Variants in SLC5A2 observed in about 807,000 individuals in gnomAD.
SLC5A2 encodes the protein solute carrier family 5 member 2, also known as sodium/glucose cotransporter 2.
In SLC5A2, 67 loss-of-function variants were observed where a neutral mutation model predicts 69.0. The observed-to-expected ratio is 0.97, with a 90% CI of 0.80 to 1.19. The LOEUF (loss-of-function observed/expected upper bound fraction) is 1.19, where lower values mean the gene tolerates loss of function less well. Ranked by LOEUF, SLC5A2 falls within the 50% of genes most tolerant of loss-of-function variation. SLC5A2 has a pLI of 0.00. For missense variants in SLC5A2, 1,001 were observed against 921.5 expected, an observed-to-expected ratio of 1.09 and a Z score of -1.12; for synonymous variants, 455 against 395.8, an observed-to-expected ratio of 1.15 and a Z score of -1.78.
At position 31,483,273 on chromosome 16, in the gene SLC5A2, G is replaced by A. The variant is rs1180807903; in HGVS notation, c.126+11G>A. On this transcript the variant is annotated intron_variant, in intron 1 of 13. Coordinates refer to ENST00000330498, the MANE Select transcript of SLC5A2 (RefSeq NM_003041.4). ...GGCGTTGGCTTGTGGGTGAGAAGTT[G>A]GGGGGTGTGCTGCTGGTGGCTGCTG... 1.9e-6 allele frequency: 3 copies of A among 1,613,646 alleles called. No individual in the cohort carries two copies. The highest frequency in any genetic ancestry group is 1.7e-6 in the Non-Finnish European group (2 of 1,179,844).
rs749890982 is a variant in SLC5A2, at chr16:31,488,018, G to C, written c.886-20G>C. The C allele has an allele frequency of 1.9e-6, 3 of 1,611,604 alleles. No homozygotes were observed. In the South Asian group the frequency reaches 3.3e-5, roughly 18 times the overall value. Reference sequence around the variant, plus strand: ...CCGAGGGGAGGCCCGCAAGCGGGCAGCTGAACGCCCCTCCCGTAGGTCATC... The same window carrying C: ...CCGAGGGGAGGCCCGCAAGCGGGCACCTGAACGCCCCTCCCGTAGGTCATC... On this transcript the variant is annotated intron_variant, in intron 7 of 13. Coordinates refer to ENST00000330498, the MANE Select transcript of SLC5A2 (RefSeq NM_003041.4).
At chr16:31,485,442 G>T (rs2082487497) in intron 3 of SLC5A2, 1 of 533,694 alleles carries the variant, frequency 1.9e-6, no homozygotes. Context: ...CAGTCTGAGG[G>T]GTCTATGCTG....
chr16:31,487,470 C>T lies in SLC5A2; in HGVS notation c.656-60C>T, dbSNP rs1596619019. On this transcript the variant is annotated intron_variant, in intron 6 of 13. Transcript: ENST00000330498. ...GGAGCTCTCGGCCTGCGCGCGGGGC[C>T]GTTGCGCGTCTCCGGTCTGAGGGTC... 13 of 1,609,964 alleles carry T rather than the reference C, an allele frequency of 8.1e-6. No individual in the cohort carries two copies. The East Asian group carries it at 1.6e-4, about 19-fold the overall frequency.
At position 31,490,427 on chromosome 16, in the gene SLC5A2, C is replaced by T. The variant is rs1567393098; in HGVS notation, c.1911C>T (p.Ala637=). The part of the protein sequence containing the change: ...PLTQEEAAAA[A]RRLEDISEDP... ...CCCAGGAGGAGGCAGCGGCAGCAGC[C>T]AGGCGGCTGGAGGACATCAGCGAGG... Residue 637 remains alanine, a synonymous_variant, in exon 14 of 14, where the codon GCC becomes GCT. Transcript: ENST00000330498. 6.2e-7 allele frequency: 1 copy of T among 1,613,772 alleles called. No homozygotes were observed. Among genetic ancestry groups the T allele is most frequent in the African/African-American group, 1.3e-5 (1 of 75,054 alleles).
Position 31,484,836 on chromosome 16 carries a change from C to T in SLC5A2, c.216C>T (p.Phe72=), listed in dbSNP as rs149913553. The change falls in exon 3 of 14, where the codon TTC becomes TTT. Residue 72 remains phenylalanine, a synonymous_variant. Coordinates refer to ENST00000330498, the MANE Select transcript of SLC5A2 (RefSeq NM_003041.4). The stretch of plus-strand genomic sequence containing the variant: ...CCACCCAGGTTGGGGCCTCTCTCTT[C>T]GCCAGCAACATCGGCAGTGGCCACT... ...MVWWPVGASL[F]ASNIGSGHFV... The T allele has an allele frequency of 1.8e-5, 29 of 1,613,604 alleles. No homozygotes were observed. Among genetic ancestry groups the T allele is most frequent in the Admixed American group, 5.0e-5 (3 of 60,014 alleles).
intron 9 of SLC5A2, 23 bp downstream of exon 9, chr16:31,488,513 G>A (rs1249070644): frequency 3.7e-6 from 6 of 1,603,512 alleles, no homozygotes; most frequent in Non-Finnish European, 5.1e-6. Context: ...CCGGGCCACA[G>A]GCGCAAGCTC....
chr16:31,484,196 C>A (rs1333952177), intron 1 of SLC5A2, among the ~76,000 whole-genome samples: 2 of 151,574 alleles, frequency 1.3e-5, no homozygotes, highest in African/African-American at 4.9e-5. Flanking sequence ...GCCAGCCTGG[C>A]CAACATGGTG....
rs761264242 is a variant in SLC5A2, at chr16:31,489,037, G to A, written c.1438G>A (p.Val480Ile). Residue 480 changes from valine (V) to isoleucine (I), a missense_variant, in exon 11 of 14, where the codon GTT becomes ATT. Val to Ile is a conservative substitution (Grantham distance 29, BLOSUM62 3). Coordinates refer to ENST00000330498, the MANE Select transcript of SLC5A2 (RefSeq NM_003041.4). Reference sequence around the variant, plus strand: ...CGTGCTGGCGCTCTTCGTGCCGCGCGTTAATGAGCAGGTGAGCGGCACGCG... The same window carrying A: ...CGTGCTGGCGCTCTTCGTGCCGCGCATTAATGAGCAGGTGAGCGGCACGCG... Reference protein sequence around the residue: ...VFVLALFVPRVNEQGAFWGLI... With the variant: ...VFVLALFVPRINEQGAFWGLI... 6.9e-6 allele frequency: 11 copies of A among 1,600,968 alleles called. No homozygotes were observed. Among genetic ancestry groups the A allele is most frequent in the East Asian group, 2.2e-5 (1 of 44,884 alleles).
intron 7 of SLC5A2, 74 bp from the exon 8 acceptor site, chr16:31,487,964 C>G (rs2082512548): frequency 6.3e-7 from 1 of 1,592,708 alleles, no homozygotes; most frequent in Non-Finnish European, 8.5e-7. Context: ...AGAGGCGGGG[C>G]ACAGAGCGGA....
rs758643864 is a variant in SLC5A2, at chr16:31,489,317, C to G, written c.1644C>G (p.Thr548=). 6.2e-7 allele frequency: 1 copy of G among 1,609,182 alleles called. No individual in the cohort carries two copies. The highest frequency in any genetic ancestry group is 8.5e-7 in the Non-Finnish European group (1 of 1,179,994). Residue 548 remains threonine, a synonymous_variant, in exon 12 of 14, where the codon ACC becomes ACG. Transcript: ENST00000330498. The stretch of plus-strand genomic sequence containing the variant: ...TCACCCTCACGGTCTCCCTGTGCAC[C>G]GCGCCCATCCCCAGAAAGCACGTGA... ...GLLTLTVSLC[T]APIPRKHLHR...
chr16:31,484,487 G>GAC (rs1219871089), intron 1 of SLC5A2, among the ~76,000 whole-genome samples, 186 bp from the exon 2 acceptor site: 4 of 152,106 alleles, frequency 2.6e-5, no homozygotes, highest in African/African-American at 7.2e-5. Context: ...GGGGGAATAG[G>GAC]ACACTGGGAT....
At position 31,489,048 on chromosome 16, in the gene SLC5A2, G is replaced by A. The variant is rs1187374210; in HGVS notation, c.1449G>A (p.Gln483=). 2 of 1,601,392 alleles carry A rather than the reference G, an allele frequency of 1.2e-6. No homozygotes were observed. Among genetic ancestry groups the A allele is most frequent in the Non-Finnish European group, 1.7e-6 (2 of 1,179,884 alleles). ...TCTTCGTGCCGCGCGTTAATGAGCA[G>A]GTGAGCGGCACGCGCGTGGTGACGG... The part of the protein sequence containing the change: ...LALFVPRVNE[Q]GAFWGLIGGL... Residue 483 remains glutamine (Q), a splice_region_variant and synonymous_variant, in exon 11 of 14, where the codon CAG becomes CAA. Coordinates refer to ENST00000330498, the MANE Select transcript of SLC5A2 (RefSeq NM_003041.4).
At position 31,490,726 on chromosome 16, in the gene SLC5A2, G is replaced by A. The variant is rs2082559790; in HGVS notation, c.*191G>A. ...CTTCCCATGAGGGCCTGGCCCACCC[G>A]CTGCAGTTGCCCTAAGGAAAAATAA... On this transcript the variant is annotated 3_prime_UTR_variant, in exon 14 of 14. Coordinates refer to ENST00000330498, the MANE Select transcript of SLC5A2 (RefSeq NM_003041.4). 5 of 1,304,766 alleles carry A rather than the reference G, an allele frequency of 3.8e-6. No individual in the cohort carries two copies. The highest frequency in any genetic ancestry group is 3.5e-5 in the Admixed American group (2 of 57,510). The allele number at this position is 1,304,766 out of a possible 1,614,324, so 80.8% of individuals were successfully genotyped here.
chr16:31,490,335 T>C lies in SLC5A2; in HGVS notation c.1819T>C (p.Phe607Leu), dbSNP rs1405163255. 1 of 1,612,656 alleles carries C rather than the reference T, an allele frequency of 6.2e-7. No individual in the cohort carries two copies. Among genetic ancestry groups the C allele is most frequent in the Non-Finnish European group, 8.5e-7 (1 of 1,179,500 alleles). ...NEPQAPAPSLFRQCLLWFCGM... is the reference protein window; with the variant it reads ...NEPQAPAPSLLRQCLLWFCGM... ...GCCCCAGGCCCCGGCACCAAGCCTC[T>C]TCCGCCAGTGCCTGCTCTGGTTTTG... is the stretch of plus-strand genomic sequence containing the variant. Residue 607 changes from phenylalanine to leucine, a missense_variant, in exon 14 of 14, where the codon TTC becomes CTC. Phe to Leu is a conservative substitution (Grantham distance 22). Transcript: ENST00000330498.
rs777640926 is a variant in SLC5A2 at position 31,488,417 on chromosome 16, G to A, written c.1056G>A (p.Arg352=). The A allele has an allele frequency of 6.2e-7, 1 of 1,611,774 alleles. No individual in the cohort carries two copies. Among genetic ancestry groups the A allele is most frequent in the Non-Finnish European group, 8.5e-7 (1 of 1,179,766 alleles). The change falls in exon 9 of 14, where the codon AGG becomes AGA. Residue 352 remains arginine (R), a synonymous_variant. Coordinates refer to ENST00000330498, the MANE Select transcript of SLC5A2 (RefSeq NM_003041.4). ...CGTGCGTGGTGCCTGAGGTGTGCAG[G>A]CGCGTGTGCGGCACGGAGGTGGGCT... ...EVACVVPEVC[R]RVCGTEVGCS... is the part of the protein sequence containing the mutation.
chr16:31,485,639 C>T (rs1044509999), intron 3 of SLC5A2, 90 bp from the exon 4 acceptor site: 1 of 1,541,158 alleles, frequency 6.5e-7, no homozygotes, highest in Non-Finnish European at 8.8e-7. Flanking sequence ...CTTCCCAGGG[C>T]CACTTGCTTG....
rs1337608347 is a variant in SLC5A2, at chr16:31,488,876, G to T, written c.1281-4G>T. On this transcript the variant is annotated splice_region_variant and splice_polypyrimidine_tract_variant and intron_variant, in intron 10 of 13. Coordinates refer to ENST00000330498, the MANE Select transcript of SLC5A2 (RefSeq NM_003041.4). ...CGGGTTCGATCCGACGGCCTCCGCC[G>T]CAGGCTCTGGGTGGTGTTCATCGTG... 1.2e-6 allele frequency: 2 copies of T among 1,604,526 alleles called. No individual in the cohort carries two copies. Among genetic ancestry groups the T allele is most frequent in the East Asian group, 4.5e-5 (2 of 44,878 alleles).
chr16:31,483,167 C>A lies in SLC5A2; in HGVS notation c.31C>A (p.Pro11Thr), dbSNP rs759115500. 1 of 1,614,006 alleles carries A rather than the reference C, an allele frequency of 6.2e-7. No individual in the cohort carries two copies. Among genetic ancestry groups the A allele is most frequent in the East Asian group, 2.2e-5 (1 of 44,882 alleles). The change falls in exon 1 of 14, where the codon CCA becomes ACA. Residue 11 changes from proline (P) to threonine (T), a missense_variant. Coordinates refer to ENST00000330498, the MANE Select transcript of SLC5A2 (RefSeq NM_003041.4). ...GGAGCACACAGAGGCAGGCTCGGCA[C>A]CAGAGATGGGGGCCCAGAAGGCCCT... MEEHTEAGSA[P>T]EMGAQKALID... is the part of the protein sequence containing the mutation.
intron 5 of SLC5A2, among the ~76,000 whole-genome samples, chr16:31,487,058 AAAAC>A (rs1367298306): frequency 2.0e-5 from 3 of 151,672 alleles, no homozygotes; most frequent in African/African-American, 7.3e-5. Flanking sequence ...AACAAAAACA[AAAAC>A]AAACAAAACT....
Sources: allele counts gnomAD v4.1 joint callset (sites outside exome capture counted in the v4.1 genomes callset), GRCh38; gene constraint gnomAD v4.1.1; transcripts MANE v1.5; gene names NCBI Gene and HGNC (gene_info 2026-07-23, HGNC 2026-07-21).